Variants in SYN3 observed in about 807,000 individuals in gnomAD.
SYN3 encodes the protein synapsin III, also known as synapsin-3.
Under a neutral mutation model 65.8 loss-of-function variants are expected in SYN3, and 35 were observed. The observed-to-expected ratio is 0.53, with a 90% confidence interval of 0.41 to 0.70. The LOEUF is 0.70. Among genes scored for constraint, SYN3 ranks in the 30% least tolerant of loss-of-function variants. The pLI, the probability that SYN3 is intolerant of heterozygous loss-of-function variation, is 0.00. For synonymous variants in SYN3, 270 were observed against 292.9 expected, an observed-to-expected ratio of 0.92 and a Z score of 0.80; for missense variants, 680 against 749.0, an observed-to-expected ratio of 0.91 and a Z score of 1.08.
intron 6 of SYN3, among the ~76,000 whole-genome samples, chr22:32,667,837 G>A (rs1311627121): frequency 9.4e-5 from 12 of 127,550 alleles, no homozygotes; most frequent in Admixed American, 8.0e-4. Context: ...TCGCTCTGTC[G>A]CCCAGGCTGG....
At position 32,532,659 on chromosome 22, in the gene SYN3, G is replaced by C. The variant is rs1181646068; in HGVS notation, c.1095+1134C>G. Reference sequence around the variant, plus strand: ...TGTGAACACCCTCCTGGCATGACTGGGCTCCCACCCACTGAGTCACCTGGT... The same window carrying C: ...TGTGAACACCCTCCTGGCATGACTGCGCTCCCACCCACTGAGTCACCTGGT... On this transcript the variant is annotated intron_variant, in intron 10 of 13. Coordinates refer to ENST00000358763, the MANE Select transcript of SYN3 (RefSeq NM_003490.4). 4.3e-5 allele frequency among the ~76,000 whole-genome samples: 6 copies of C among 138,962 alleles called. No homozygotes were observed. The Admixed American group carries it at 5.2e-4, about 12-fold the overall frequency. 91.2% of individuals were successfully genotyped at this position (138,962 alleles called of 152,430 possible).
chr22:32,931,561 G>C (rs1242386843), intron 3 of SYN3, 80 bp from the exon 4 acceptor site: 1 of 939,804 alleles, frequency 1.1e-6, no homozygotes, highest in East Asian at 2.4e-5. Context: ...TGGGTACTTA[G>C]AGGTACAAAG....
At chr22:32,560,059 G>A (rs2058564934) in intron 7 of SYN3, among the ~76,000 whole-genome samples, 3 of 152,226 alleles carry the variant, frequency 2.0e-5, no homozygotes, top group Admixed American at 2.0e-4. Context: ...TGTGCCTGCA[G>A]CCCCTCCCAA....
chr22:32,573,773 T>G (rs1309764837), intron 7 of SYN3, among the ~76,000 whole-genome samples: 1 of 147,548 alleles, frequency 6.8e-6, no homozygotes, highest in Non-Finnish European at 1.5e-5. Context: ...GGTTTTTTTT[T>G]TTTTTTTTTT....
rs567691142 is a variant in SYN3, at chr22:32,781,110, T to C, written c.711+83805A>G. Among the ~76,000 whole-genome samples the C allele has an allele frequency of 1.0e-4, 13 of 128,098 alleles. No individual in the cohort carries two copies. The East Asian group carries it at 3.4e-3, about 33-fold the overall frequency. The allele number at this position is 128,098 out of a possible 152,430, so 84.0% of individuals were successfully genotyped here. A position where few individuals can be genotyped will look rare whatever the true frequency, so the allele number is the denominator to read the frequency against. The stretch of plus-strand genomic sequence containing the variant: ...CTCCCTTCCTCCCTTCTTCCTTCTC[T>C]GCATCCCTCCTTTCAATAAACAAAT... On this transcript the variant is annotated intron_variant, in intron 6 of 13. Transcript: ENST00000358763.
intron 6 of SYN3, among the ~76,000 whole-genome samples, chr22:32,630,989 G>C (rs2059739184): frequency 6.6e-6 from 1 of 152,132 alleles, no homozygotes; most frequent in African/African-American, 2.4e-5. Flanking sequence ...CAGCCAGAGG[G>C]ATGTTTAAAA....
intron 6 of SYN3, among the ~76,000 whole-genome samples, chr22:32,600,326 A>T (rs2059263778): frequency 6.6e-6 from 1 of 152,070 alleles, no homozygotes; most frequent in Admixed American, 6.5e-5. Context: ...GCTGCCTCTG[A>T]TCTGACAGGA....
intron 6 of SYN3, among the ~76,000 whole-genome samples, chr22:32,664,867 C>T (rs1027422177): frequency 7.9e-5 from 12 of 152,044 alleles, no homozygotes; most frequent in African/African-American, 2.9e-4. Context: ...CCGCCTCCAC[C>T]TCCCAAAGTG....
intron 7 of SYN3, among the ~76,000 whole-genome samples, chr22:32,545,728 T>C (rs2058328102): frequency 6.6e-6 from 1 of 152,098 alleles, no homozygotes; most frequent in Non-Finnish European, 1.5e-5. Context: ...GGCTGGCTAA[T>C]TTTTGTATTT....
At chr22:32,881,069 CA>C in intron 4 of SYN3, among the ~76,000 whole-genome samples, 1 of 152,216 alleles carries the variant, frequency 6.6e-6, no homozygotes, top group South Asian at 2.1e-4. Flanking sequence ...GCGCTGTCAG[CA>C]GCCTGCTCAG....
At chr22:32,569,425 A>G (rs1040483869) in intron 7 of SYN3, among the ~76,000 whole-genome samples, 5 of 151,040 alleles carry the variant, frequency 3.3e-5, no homozygotes, top group African/African-American at 1.2e-4. Context: ...CTATCTATCT[A>G]TCTATCTATC....
intron 6 of SYN3, among the ~76,000 whole-genome samples, chr22:32,605,218 G>C (rs1056220292): frequency 6.6e-6 from 1 of 151,986 alleles, no homozygotes; most frequent in Non-Finnish European, 1.5e-5. Flanking sequence ...AGTCATATGC[G>C]AACAGGCAGA....
At chr22:32,718,385 TCCA>T (rs2061067842) in intron 6 of SYN3, among the ~76,000 whole-genome samples, 1 of 151,694 alleles carries the variant, frequency 6.6e-6, no homozygotes, top group Non-Finnish European at 1.5e-5. Context: ...AGGGAAAGAC[TCCA>T]AACTGCTTCT....
intron 7 of SYN3, among the ~76,000 whole-genome samples, chr22:32,595,360 T>A (rs904471457): frequency 2.0e-5 from 3 of 152,180 alleles, no homozygotes; most frequent in South Asian, 2.1e-4. Context: ...TCAAGCTCTA[T>A]TTCATTTGAA....
At chr22:32,670,422 T>C (rs912615302) in intron 6 of SYN3, among the ~76,000 whole-genome samples, 7 of 152,202 alleles carry the variant, frequency 4.6e-5, no homozygotes, top group African/African-American at 1.7e-4. Context: ...TTAATTAATA[T>C]AAGCACAAAA....
At chr22:32,576,539 T>G (rs761979370) in intron 7 of SYN3, among the ~76,000 whole-genome samples, 12 of 152,188 alleles carry the variant, frequency 7.9e-5, no homozygotes, top group Non-Finnish European at 1.6e-4. Flanking sequence ...AAATTCAAAA[T>G]GTTAAAACCT....
At chr22:32,967,430 G>C (rs138981367) in intron 3 of SYN3, among the ~76,000 whole-genome samples, 43 of 152,302 alleles carry the variant, frequency 2.8e-4, no homozygotes, top group African/African-American at 9.9e-4. Context: ...TGAGGGACTA[G>C]AAAATGCGCC....
At chr22:32,972,531 C>T (rs961155122) in intron 3 of SYN3, among the ~76,000 whole-genome samples, 3 of 152,160 alleles carry the variant, frequency 2.0e-5, no homozygotes, top group African/African-American at 7.2e-5. Context: ...TTCCCCAGAT[C>T]CTTTTGCCAC....
chr22:33,036,987 G>A (rs994664341), intron 1 of SYN3, among the ~76,000 whole-genome samples: 2 of 151,982 alleles, frequency 1.3e-5, no homozygotes, highest in Non-Finnish European at 2.9e-5. Context: ...CATCATGCCC[G>A]GCCAAGCCCA....
Sources: allele counts gnomAD v4.1 joint callset (sites outside exome capture counted in the v4.1 genomes callset), GRCh38; gene constraint gnomAD v4.1.1; transcripts MANE v1.5; gene names NCBI Gene and HGNC (gene_info 2026-07-23, HGNC 2026-07-21).